FAT3: variants seen among roughly 807,000 people sequenced by gnomAD.
FAT3 encodes protocadherin Fat 3.
In FAT3, 95 loss-of-function variants were observed where a neutral mutation model predicts 310.2. The ratio of observed to expected loss-of-function variants is 0.31; its 90% CI spans 0.26 to 0.36. The LOEUF (loss-of-function observed/expected upper bound fraction) is 0.36, where lower values mean the gene tolerates loss of function less well. Ranked by LOEUF, FAT3 falls within the 10% of genes least tolerant of loss-of-function variation. The pLI is 1.00. For missense variants in FAT3, 5,408 were observed against 5,715.6 expected (o/e 0.95, Z 1.74); for synonymous variants, 2,314 against 2,192.9 (o/e 1.06, Z -1.54).
chr11:92,633,258 C>T (rs571009941), intron 3 of FAT3, among the ~76,000 whole-genome samples: 110 of 152,190 alleles, frequency 7.2e-4, no homozygotes, highest in Admixed American at 3.5e-3. Context: ...GAAAAGACAG[C>T]TTTCACAGCC....
intron 2 of FAT3, among the ~76,000 whole-genome samples, chr11:92,444,357 G>A (rs912732255): frequency 6.6e-6 from 1 of 151,838 alleles, no homozygotes; most frequent in Non-Finnish European, 1.5e-5. Flanking sequence ...CTGAACCCCG[G>A]TCTCCTATCC....
At chr11:92,315,510 TATAGAGAGAGAGAG>T (rs1398403016) in intron 1 of FAT3, among the ~76,000 whole-genome samples, 63 of 78,148 alleles carry the variant, frequency 8.1e-4, no homozygotes, top group Middle Eastern at 7.9e-3. Flanking sequence ...TATATATATA[TATAGAGAGAGAGAG>T]AGAGAGAGAG....
chr11:92,820,854 C>T (rs1433505827), intron 13 of FAT3, among the ~76,000 whole-genome samples: 1 of 152,186 alleles, frequency 6.6e-6, no homozygotes, highest in African/African-American at 2.4e-5. Flanking sequence ...AGTTCATGGG[C>T]ATCTTCAAGT....
chr11:92,413,447 G>T (rs1481356365), intron 2 of FAT3, among the ~76,000 whole-genome samples: 1 of 152,140 alleles, frequency 6.6e-6, no homozygotes, highest in East Asian at 1.9e-4. Flanking sequence ...TGTTCAAAGA[G>T]CCCTAGTTTA....
At chr11:92,508,828 G>A (rs1953198069) in intron 2 of FAT3, among the ~76,000 whole-genome samples, 1 of 152,094 alleles carries the variant, frequency 6.6e-6, no homozygotes, top group African/African-American at 2.4e-5. Flanking sequence ...TCTAAAAATT[G>A]GATTAAAGTA....
At chr11:92,360,035 G>A (rs1948839590) in intron 2 of FAT3, among the ~76,000 whole-genome samples, 2 of 151,760 alleles carry the variant, frequency 1.3e-5, no homozygotes, top group South Asian at 4.2e-4. Context: ...TCTAGTTCTA[G>A]ATCCCTGAGG....
chr11:92,578,005 A>G (rs1012308562), intron 3 of FAT3, among the ~76,000 whole-genome samples: 2 of 152,108 alleles, frequency 1.3e-5, no homozygotes, highest in African/African-American at 4.8e-5. Flanking sequence ...ATCACTTACA[A>G]CTGATATATA....
At chr11:92,613,015 G>C (rs1940638629) in intron 3 of FAT3, among the ~76,000 whole-genome samples, 1 of 152,170 alleles carries the variant, frequency 6.6e-6, no homozygotes, top group South Asian at 2.1e-4. Context: ...GGATCGTAGA[G>C]TAACCCTTCT....
chr11:92,755,066 G>A (rs945415383), intron 4 of FAT3, among the ~76,000 whole-genome samples: 8 of 152,182 alleles, frequency 5.3e-5, no homozygotes, highest in African/African-American at 1.2e-4. Flanking sequence ...GAGGAGACAG[G>A]AGGGATTGGT....
At chr11:92,280,789 C>T (rs1178070179) in intron 1 of FAT3, among the ~76,000 whole-genome samples, 1 of 152,166 alleles carries the variant, frequency 6.6e-6, no homozygotes, top group African/African-American at 2.4e-5. Context: ...CTAGCCTTAC[C>T]AAATGACTTG....
intron 3 of FAT3, among the ~76,000 whole-genome samples, chr11:92,528,512 G>A (rs1443412893): frequency 6.6e-6 from 1 of 152,112 alleles, no homozygotes; most frequent in Non-Finnish European, 1.5e-5. Context: ...TCAGCCTCCC[G>A]AGTAGCTGGG....
chr11:92,658,954 A>T (rs1349597392), intron 3 of FAT3, among the ~76,000 whole-genome samples: 1 of 142,026 alleles, frequency 7.0e-6, no homozygotes, highest in Non-Finnish European at 1.6e-5. Context: ...ATCATCATCA[A>T]TATCAACATC....
intron 2 of FAT3, among the ~76,000 whole-genome samples, chr11:92,402,101 C>T (rs1346733233): frequency 2.0e-5 from 3 of 152,016 alleles, no homozygotes; most frequent in East Asian, 3.9e-4. Context: ...AAGTATACAA[C>T]ATGCAAGCCT....
intron 2 of FAT3, among the ~76,000 whole-genome samples, chr11:92,443,959 G>GAT (rs1489371523): frequency 1.3e-5 from 2 of 152,160 alleles, no homozygotes; most frequent in Non-Finnish European, 2.9e-5. Flanking sequence ...TGGGAGAACT[G>GAT]ATATCACAAG....
chr11:92,341,967 C>A (rs1186265034), intron 1 of FAT3, among the ~76,000 whole-genome samples: 2 of 152,062 alleles, frequency 1.3e-5, no homozygotes, highest in Non-Finnish European at 2.9e-5. Flanking sequence ...TCATTCAATT[C>A]ATTTTAGCAA....
chr11:92,312,839 T>G (rs1723597614), intron 1 of FAT3, among the ~76,000 whole-genome samples: 1 of 152,202 alleles, frequency 6.6e-6, no homozygotes, highest in South Asian at 2.1e-4. Flanking sequence ...TCAAAGCGTC[T>G]TTCCTTTGGT....
chr11:92,562,924 CCT>C (rs1955285895), intron 3 of FAT3, among the ~76,000 whole-genome samples: 1 of 152,092 alleles, frequency 6.6e-6, no homozygotes, highest in Non-Finnish European at 1.5e-5. Flanking sequence ...CTAGAAACAC[CCT>C]CACAGACACA....
intron 2 of FAT3, among the ~76,000 whole-genome samples, chr11:92,363,999 G>C (rs1055112372): frequency 1.3e-5 from 2 of 152,006 alleles, no homozygotes; most frequent in African/African-American, 4.8e-5. Context: ...ACTGTGGGCT[G>C]AGGGCAATTT....
chr11:92,478,934 CTCTTTCTT>C (rs199741658), intron 2 of FAT3, among the ~76,000 whole-genome samples: 3,155 of 114,436 alleles, frequency 0.028, 244 homozygotes, highest in East Asian at 0.12. Flanking sequence ...TTCTTTCCTT[CTCTTTCTT>C]TCTTTCTTTC....
Sources: allele counts gnomAD v4.1 joint callset (sites outside exome capture counted in the v4.1 genomes callset), GRCh38; gene constraint gnomAD v4.1.1; transcripts MANE v1.5; gene names NCBI Gene and HGNC (gene_info 2026-07-23, HGNC 2026-07-21).